Variants in GMPPB observed in about 807,000 individuals in gnomAD.
GMPPB encodes the protein GDP-mannose pyrophosphorylase B, also known as mannose-1-phosphate guanylyltransferase catalytic subunit beta.
In GMPPB, 38 loss-of-function variants were observed where a neutral mutation model predicts 40.3. The observed-to-expected ratio is 0.94, with a 90% CI of 0.73 to 1.24. The LOEUF (loss-of-function observed/expected upper bound fraction) is 1.24, where lower values mean the gene tolerates loss of function less well. GMPPB is among the 50% of genes most tolerant of loss of function. GMPPB has a pLI of 0.00. For synonymous variants in GMPPB, 193 were observed against 191.8 expected, an observed-to-expected ratio of 1.01 and a Z score of -0.05; for missense variants, 436 against 487.1, an observed-to-expected ratio of 0.90 and a Z score of 0.99.
In GMPPB at chr3:49,723,835, C is replaced by G. The variant is rs2108213704; in HGVS notation, c.-109G>C. On this transcript the variant is annotated 5_prime_UTR_variant, in exon 1 of 9. Coordinates refer to ENST00000308388, the MANE Select transcript of GMPPB (RefSeq NM_021971.4). ...GCCGTGCCCGGCCCCGCGCCCTTCA[C>G]CAACCCGCCTGACAGACTCTGGCTC... 2 of 1,301,052 alleles carry G rather than the reference C, an allele frequency of 1.5e-6. No individual in the cohort carries two copies. Among genetic ancestry groups the G allele is most frequent in the Non-Finnish European group, 2.0e-6 (2 of 978,408 alleles). 80.6% of individuals were successfully genotyped at this position (1,301,052 alleles called of 1,614,324 possible).
intron 6 of GMPPB, 27 bp downstream of exon 6, chr3:49,722,405 C>G: frequency 6.2e-7 from 1 of 1,613,912 alleles, no homozygotes; most frequent in South Asian, 1.1e-5. Context: ...CACAGACCAC[C>G]CCCACCCTGT....
At position 49,722,020 on chromosome 3, in the gene GMPPB, G is replaced by A. The variant is rs1433602114; in HGVS notation, c.896C>T (p.Ser299Phe). 12 of 1,613,510 alleles carry A rather than the reference G, an allele frequency of 7.4e-6. No homozygotes were observed. Among genetic ancestry groups the A allele is most frequent in the Non-Finnish European group, 1.0e-5 (12 of 1,180,026 alleles). Residue 299 changes from serine (S) to phenylalanine (F), a missense_variant, in exon 8 of 9, where the codon TCC becomes TTC. By Grantham distance (155) the Ser-to-Phe change is radical. Transcript: ENST00000308388. ...CTVLRDARIR[S>F]HSWLESCIVG... ...AATGCAGGACTCAAGCCAGGAATGG[G>A]AACGGATCCGGGCATCCCGCAGCAC... is the stretch of plus-strand genomic sequence containing the variant.
rs1197268366 is a variant in GMPPB, at chr3:49,723,860, C to T, written c.-134G>A. 1.7e-5 allele frequency: 18 copies of T among 1,048,782 alleles called. No individual in the cohort carries two copies. Among genetic ancestry groups the T allele is most frequent in the Non-Finnish European group, 2.4e-5 (18 of 755,158 alleles). The allele number at this position is 1,048,782 out of a possible 1,614,324, so 65.0% of individuals were successfully genotyped here. A position where few individuals can be genotyped will look rare whatever the true frequency, so the allele number is the denominator to read the frequency against. The stretch of plus-strand genomic sequence containing the variant: ...CCAACCCGCCTGACAGACTCTGGCT[C>T]CACCTCGTCCGCCCGGTCGCCCTGA... On this transcript the variant is annotated 5_prime_UTR_variant, in exon 1 of 9. Transcript: ENST00000308388.
Position 49,722,295 on chromosome 3 carries a change from G to A in GMPPB, c.704C>T (p.Ser235Leu). Residue 235 changes from serine to leucine, a missense_variant, in exon 7 of 9, where the codon TCA becomes TTA. Coordinates refer to ENST00000308388, the MANE Select transcript of GMPPB (RefSeq NM_021971.4). ...CCGCTCAGGCTGCTTCTGCCTCAGT[G>A]ACTGCAGGAAGAGGCACATGCCAGT... ...FLTGMCLFLQ[S>L]LRQKQPERLC... 8 of 1,613,904 alleles carry A rather than the reference G, an allele frequency of 5.0e-6. No homozygotes were observed. The highest frequency in any genetic ancestry group is 6.8e-6 in the Non-Finnish European group (8 of 1,179,968).
rs760786484 is a variant in GMPPB at position 49,721,142 on chromosome 3, G to A, written c.*610C>T. The A allele has an allele frequency of 3.7e-6, 6 of 1,614,128 alleles. No homozygotes were observed. The highest frequency in any genetic ancestry group is 4.2e-6 in the Non-Finnish European group (5 of 1,179,972). On this transcript the variant is annotated 3_prime_UTR_variant, in exon 9 of 9. Coordinates refer to ENST00000308388, the MANE Select transcript of GMPPB (RefSeq NM_021971.4). The stretch of plus-strand genomic sequence containing the variant: ...CCACAGCTTGGTGGTGGGGAGAGCA[G>A]TAGGTACATGCAGGGCAGTCCTCAT...
chr3:49,721,936 T>TAC, intron 8 of GMPPB, 29 bp downstream of exon 8: 15 of 1,584,912 alleles, frequency 9.5e-6, no homozygotes, highest in East Asian at 2.3e-5. Flanking sequence ...CCCGCCCCTC[T>TAC]CCCCACCCAG....
At position 49,722,991 on chromosome 3, in the gene GMPPB, C is replaced by G; in HGVS notation, c.383G>C (p.Gly128Ala). The change falls in exon 4 of 9, where the codon GGC becomes GCC. Residue 128 changes from glycine to alanine, a missense_variant. Gly to Ala is a moderately conservative substitution (Grantham distance 60). Transcript: ENST00000308388. ...CCTTACCAGGATGGAGCCCTCCTGG[C>G]CATGGTGCCGGTGGAACTGCACCAT... ...QAMVQFHRHH[G>A]QEGSILVTKV... is the part of the protein sequence containing the mutation. 6.2e-7 allele frequency: 1 copy of G among 1,613,728 alleles called. No individual in the cohort carries two copies. Among genetic ancestry groups the G allele is most frequent in the Non-Finnish European group, 8.5e-7 (1 of 1,179,846 alleles).
At chr3:49,722,874 T>C (rs1575295862) in intron 4 of GMPPB, 98 bp downstream of exon 4, 1 of 1,514,074 alleles carries the variant, frequency 6.6e-7, no homozygotes, top group Non-Finnish European at 9.0e-7. Context: ...TGCACAGCTC[T>C]GTATCCATAA....
In GMPPB at chr3:49,721,738, C is replaced by T; in HGVS notation, c.*14G>A. ...ATGGGAAAACCGGGGCTCGGCCAGC[C>T]CCACTGCATCCCCTCACATGATGAT... is the stretch of plus-strand genomic sequence containing the variant. On this transcript the variant is annotated 3_prime_UTR_variant, in exon 9 of 9. Coordinates refer to ENST00000308388, the MANE Select transcript of GMPPB (RefSeq NM_021971.4). 2 of 1,586,732 alleles carry T rather than the reference C, an allele frequency of 1.3e-6. No individual in the cohort carries two copies. The highest frequency in any genetic ancestry group is 1.7e-6 in the Non-Finnish European group (2 of 1,170,350).
rs1488679302 is a variant in GMPPB at position 49,722,084 on chromosome 3, C to T, written c.832G>A (p.Val278Met). 3.7e-6 allele frequency: 6 copies of T among 1,613,618 alleles called. No homozygotes were observed. Among genetic ancestry groups the T allele is most frequent in the South Asian group, 2.2e-5 (2 of 91,086 alleles). Residue 278 changes from valine (V) to methionine (M), a missense_variant, in exon 8 of 9, where the codon GTG becomes ATG. Physicochemically the swap from Val to Met is conservative, Grantham distance 21. Transcript: ENST00000308388. Reference sequence around the variant, plus strand: ...ATACACACACCATCTTCGACCACCACGCCAGGTCCCAGGCTCACATTGGGG... The same window carrying T: ...ATACACACACCATCTTCGACCACCATGCCAGGTCCCAGGCTCACATTGGGG... ...IGPNVSLGPGVVVEDGVCIRR... is the reference protein window; with the variant it reads ...IGPNVSLGPGMVVEDGVCIRR...
At position 49,721,828 on chromosome 3, in the gene GMPPB, A is replaced by G; in HGVS notation, c.1007T>C (p.Leu336Pro). 6.2e-7 allele frequency: 1 copy of G among 1,613,592 alleles called. No homozygotes were observed. ...LGEDVIVNDE[L>P]YLNGASVLPH... Reference sequence around the variant, plus strand: ...CAGCACGCTGGCTCCGTTGAGGTAGAGCTCATCATTAACTATGACGTCCTC... The same window carrying G: ...CAGCACGCTGGCTCCGTTGAGGTAGGGCTCATCATTAACTATGACGTCCTC... The change falls in exon 9 of 9, where the codon CTC (leucine) becomes CCC (proline). Residue 336 changes from leucine to proline, a missense_variant. By Grantham distance (98) the Leu-to-Pro change is moderately conservative. Coordinates refer to ENST00000308388, the MANE Select transcript of GMPPB (RefSeq NM_021971.4).
In GMPPB at chr3:49,722,110, C is replaced by T. The variant is rs1172092305; in HGVS notation, c.806G>A (p.Gly269Asp). 4 of 1,613,276 alleles carry T rather than the reference C, an allele frequency of 2.5e-6. No homozygotes were observed. Among genetic ancestry groups the T allele is most frequent in the Non-Finnish European group, 3.4e-6 (4 of 1,179,898 alleles). ...GCCAGGTCCCAGGCTCACATTGGGG[C>T]CAATGCTGCAGTTCTGGCCGATGCG... Reference protein sequence around the residue: ...SARIGQNCSIGPNVSLGPGVV... With the variant: ...SARIGQNCSIDPNVSLGPGVV... The change falls in exon 8 of 9, where the codon GGC (glycine) becomes GAC (aspartate). Residue 269 changes from glycine (G) to aspartate (D), a missense_variant. Coordinates refer to ENST00000308388, the MANE Select transcript of GMPPB (RefSeq NM_021971.4).
intron 1 of GMPPB, 38 bp downstream of exon 1, chr3:49,723,560 G>A (rs746118453): frequency 2.5e-6 from 4 of 1,607,600 alleles, no homozygotes; most frequent in African/African-American, 1.3e-5. Context: ...AGTCCCGCCA[G>A]ATCCGAACGC....
At position 49,720,788 on chromosome 3, in the gene GMPPB, A is replaced by G; in HGVS notation, c.*964T>C. ...AGCTACCTCTGACTTGACACTACCTACCACTCCCCAGATGCGGATTATATC... is the reference window on the plus strand; with the variant it reads ...AGCTACCTCTGACTTGACACTACCTGCCACTCCCCAGATGCGGATTATATC... On this transcript the variant is annotated 3_prime_UTR_variant, in exon 9 of 9. Transcript: ENST00000308388. The G allele has an allele frequency of 1.2e-5, 19 of 1,613,896 alleles. No homozygotes were observed. Among genetic ancestry groups the G allele is most frequent in the Non-Finnish European group, 1.5e-5 (18 of 1,179,886 alleles).
rs778275046 is a variant in GMPPB at position 49,722,134 on chromosome 3, C to G, written c.782G>C (p.Arg261Pro). The G allele has an allele frequency of 1.2e-6, 2 of 1,610,894 alleles. No homozygotes were observed. Among genetic ancestry groups the G allele is most frequent in the Admixed American group, 3.3e-5 (2 of 59,958 alleles). The change falls in exon 8 of 9, where the codon CGC (arginine) becomes CCC (proline). Residue 261 changes from arginine (R) to proline (P), a missense_variant. Physicochemically the swap from Arg to Pro is moderately radical, Grantham distance 103 (BLOSUM62 -2). Transcript: ENST00000308388. Reference sequence around the variant, plus strand: ...GCCAATGCTGCAGTTCTGGCCGATGCGGGCACTTGGGTCCTGAGAGCGGTG... The same window carrying G: ...GCCAATGCTGCAGTTCTGGCCGATGGGGGCACTTGGGTCCTGAGAGCGGTG... ...VGNVLVDPSA[R>P]IGQNCSIGPN...
chr3:49,721,452 C>A lies in GMPPB; in HGVS notation c.*300G>T, dbSNP rs1258221197. On this transcript the variant is annotated 3_prime_UTR_variant, in exon 9 of 9. Transcript: ENST00000308388. The stretch of plus-strand genomic sequence containing the variant: ...CTGCCTGTATCCTCATTGGTGGGAG[C>A]CCAGCCATGGCCCTAATTGTGCCTG... 1.1e-5 allele frequency: 12 copies of A among 1,111,876 alleles called. No homozygotes were observed. Among genetic ancestry groups the A allele is most frequent in the Non-Finnish European group, 1.7e-5 (12 of 727,210 alleles). The allele number at this position is 1,111,876 out of a possible 1,614,324, so 68.9% of individuals were successfully genotyped here. A position where few individuals can be genotyped will look rare whatever the true frequency, so the allele number is the denominator to read the frequency against.
rs1269088430 is a variant in GMPPB at position 49,719,982 on chromosome 3, A to ACTCT, written c.*1766_*1769dup. ...ACTGATAATATTATGGGGCAGGCAG[A>ACTCT]CTCTCACTATCTTAAGGTGGTTCGC... On this transcript the variant is annotated 3_prime_UTR_variant, in exon 9 of 9. Coordinates refer to ENST00000308388, the MANE Select transcript of GMPPB (RefSeq NM_021971.4). 1 of 162,106 alleles carries ACTCT rather than the reference A, an allele frequency of 6.2e-6. No homozygotes were observed. The highest frequency in any genetic ancestry group is 5.7e-5 in the Admixed American group (1 of 17,572). The allele number at this position is 162,106 out of a possible 1,614,324, so 10.0% of individuals were successfully genotyped here. A position where few individuals can be genotyped will look rare whatever the true frequency, so the allele number is the denominator to read the frequency against.
At position 49,723,276 on chromosome 3, in the gene GMPPB, A is replaced by G. The variant is rs914888062; in HGVS notation, c.237T>C (p.His79=). The change falls in exon 3 of 9, where the codon CAT becomes CAC. Residue 79 remains histidine, a synonymous_variant. Coordinates refer to ENST00000308388, the MANE Select transcript of GMPPB (RefSeq NM_021971.4). ...QRLGIRISMS[H]EEEPLGTAGP... ...GACCTGTCCCCAAAGGCTCCTCTTC[A>G]TGGGACATGGAGATTCGGATTCCCA... The G allele has an allele frequency of 1.2e-6, 2 of 1,613,974 alleles. No individual in the cohort carries two copies. Among genetic ancestry groups the G allele is most frequent in the Middle Eastern group, 1.6e-4 (1 of 6,084 alleles).
chr3:49,721,984 C>T lies in GMPPB; in HGVS notation c.932G>A (p.Arg311His), dbSNP rs777150806. 20 of 1,613,396 alleles carry T rather than the reference C, an allele frequency of 1.2e-5. No individual in the cohort carries two copies. In the East Asian group the frequency reaches 2.5e-4, roughly 20 times the overall value. Residue 311 changes from arginine (R) to histidine (H), a missense_variant, in exon 8 of 9, where the codon CGC becomes CAC. By Grantham distance (29) the Arg-to-His change is conservative (BLOSUM62 0). Transcript: ENST00000308388. The stretch of plus-strand genomic sequence containing the variant: ...GCTTACCCACTGACCCACGCGGCAG[C>T]GCCAGCCCACAATGCAGGACTCAAG... The part of the protein sequence containing the change: ...SWLESCIVGW[R>H]CRVGQWVRME...
Sources: gnomAD v4.1 joint callset for allele counts on GRCh38, gnomAD v4.1.1 for gene constraint, MANE v1.5 for transcripts, NCBI Gene and HGNC (gene_info 2026-07-23, HGNC 2026-07-21) for gene names.